Variants in GRM7 observed in about 807,000 individuals in gnomAD.
The protein encoded by GRM7 is metabotropic glutamate receptor 7.
GRM7 carries 35 observed loss-of-function variants against 84.5 expected under a neutral mutation model. The ratio of observed to expected loss-of-function variants is 0.41; its 90% CI spans 0.32 to 0.55. The LOEUF (loss-of-function observed/expected upper bound fraction) is 0.55, where lower values mean the gene tolerates loss of function less well. Ranked by LOEUF, GRM7 falls within the 20% of genes least tolerant of loss-of-function variation. GRM7 has a pLI of 0.19. For synonymous variants in GRM7, 487 were observed against 455.1 expected, an observed-to-expected ratio of 1.07 and a Z score of -0.89; for missense variants, 1,003 against 1,194.6, an observed-to-expected ratio of 0.84 and a Z score of 2.36.
In GRM7 at chr3:7,572,875, TATATAA is replaced by T. The variant is rs1305357648; in HGVS notation, c.1516-5543_1516-5538del. Among the ~76,000 whole-genome samples, 24 of 66,440 alleles carry T rather than the reference TATATAA, an allele frequency of 3.6e-4. 1 individual carries two copies. The highest frequency in any genetic ancestry group is 7.0e-4 in the African/African-American group (12 of 17,140). The allele number at this position is 66,440 out of a possible 152,430, so 43.6% of individuals were successfully genotyped here. On this transcript the variant is annotated intron_variant, in intron 7 of 9. Transcript: ENST00000357716. The stretch of plus-strand genomic sequence containing the variant: ...ATATATATATATATATATATATATA[TATATAA>T]ATAATCTTTCTACCTATAATAATTC...
At chr3:7,269,454 C>A (rs925875734) in intron 2 of GRM7, among the ~76,000 whole-genome samples, 4 of 144,810 alleles carry the variant, frequency 2.8e-5, no homozygotes, top group Non-Finnish European at 4.6e-5. Context: ...ACCCCCCCCC[C>A]AGAGAGCATG....
chr3:7,364,042 G>T (rs1441568670), intron 4 of GRM7, among the ~76,000 whole-genome samples: 1 of 151,932 alleles, frequency 6.6e-6, no homozygotes, highest in Non-Finnish European at 1.5e-5. Context: ...TGTAAACTGT[G>T]CCACTTCTTT....
intron 3 of GRM7, among the ~76,000 whole-genome samples, chr3:7,299,896 G>A (rs1407025856): frequency 6.6e-6 from 1 of 151,970 alleles, no homozygotes; most frequent in Non-Finnish European, 1.5e-5. Flanking sequence ...AAATCTGTGT[G>A]TATAAATATA....
At chr3:7,240,277 A>G (rs1466451329) in intron 2 of GRM7, among the ~76,000 whole-genome samples, 1 of 151,734 alleles carries the variant, frequency 6.6e-6, no homozygotes, top group African/African-American at 2.4e-5. Flanking sequence ...ATATAAAATT[A>G]AGTACAGGGC....
At chr3:7,055,200 T>C (rs1314077890) in intron 1 of GRM7, among the ~76,000 whole-genome samples, 2 of 151,302 alleles carry the variant, frequency 1.3e-5, no homozygotes, top group Non-Finnish European at 2.9e-5. Flanking sequence ...TCCTTCATTT[T>C]CTTCTTCTTC....
intron 7 of GRM7, among the ~76,000 whole-genome samples, chr3:7,504,790 C>G (rs1699990614): frequency 2.0e-5 from 3 of 152,288 alleles, no homozygotes; most frequent in African/African-American, 7.2e-5. Flanking sequence ...CTTTGGAATA[C>G]ACATTTTAGC....
At chr3:7,457,460 T>C (rs958306939) in intron 6 of GRM7, among the ~76,000 whole-genome samples, 2 of 152,188 alleles carry the variant, frequency 1.3e-5, no homozygotes, top group African/African-American at 2.4e-5. Context: ...AGTAATTTGG[T>C]GTCTTGATTG....
intron 2 of GRM7, among the ~76,000 whole-genome samples, chr3:7,202,404 T>C (rs1435082393): frequency 3.3e-5 from 5 of 152,038 alleles, no homozygotes; most frequent in African/African-American, 1.2e-4. Context: ...AATCTCGGCT[T>C]ACTGCAACCT....
intron 2 of GRM7, among the ~76,000 whole-genome samples, chr3:7,178,265 T>C (rs1695219856): frequency 6.6e-6 from 1 of 152,228 alleles, no homozygotes; most frequent in Non-Finnish European, 1.5e-5. Flanking sequence ...ACATATGAGA[T>C]AAAAATTGAC....
chr3:7,020,189 C>G (rs1268899251), intron 1 of GRM7, among the ~76,000 whole-genome samples: 3 of 152,136 alleles, frequency 2.0e-5, no homozygotes, highest in Non-Finnish European at 4.4e-5. Flanking sequence ...CTCCCAATAC[C>G]CTATAGGATA....
chr3:7,216,262 G>T (rs201327346), intron 2 of GRM7, among the ~76,000 whole-genome samples: 1 of 152,144 alleles, frequency 6.6e-6, no homozygotes, highest in South Asian at 2.1e-4. Context: ...TAAATGTCTC[G>T]TGTCTTTGCT....
At chr3:7,133,361 C>T (rs915005369) in intron 1 of GRM7, among the ~76,000 whole-genome samples, 7 of 152,352 alleles carry the variant, frequency 4.6e-5, no homozygotes, top group Non-Finnish European at 5.9e-5. Flanking sequence ...CCCAATACCA[C>T]GCACACATGA....
chr3:6,894,438 A>G (rs1490978130), intron 1 of GRM7, among the ~76,000 whole-genome samples: 1 of 152,160 alleles, frequency 6.6e-6, no homozygotes, highest in Non-Finnish European at 1.5e-5. Context: ...ATTGTGGCAG[A>G]AAAGGGATTT....
intron 1 of GRM7, among the ~76,000 whole-genome samples, chr3:6,891,329 G>A (rs1436802893): frequency 2.0e-5 from 3 of 152,092 alleles, no homozygotes; most frequent in Non-Finnish European, 2.9e-5. Flanking sequence ...TCCTGGCCTC[G>A]ATGGTCTTTA....
At chr3:7,388,410 G>C (rs1021781912) in intron 4 of GRM7, among the ~76,000 whole-genome samples, 6 of 152,012 alleles carry the variant, frequency 3.9e-5, no homozygotes, top group African/African-American at 1.4e-4. Context: ...TTAACTTTTT[G>C]TTGTTTTCTT....
chr3:7,498,416 G>T (rs1471477801), intron 7 of GRM7, among the ~76,000 whole-genome samples: 30 of 152,192 alleles, frequency 2.0e-4, no homozygotes, highest in Non-Finnish European at 1.5e-5. Flanking sequence ...AAGTAGACTG[G>T]ACCCTCATTC....
At chr3:7,446,048 A>G (rs1389551840) in intron 5 of GRM7, among the ~76,000 whole-genome samples, 2 of 152,214 alleles carry the variant, frequency 1.3e-5, no homozygotes, top group Non-Finnish European at 2.9e-5. Flanking sequence ...TGAAGCATTT[A>G]TCACTTACAA....
chr3:7,336,265 G>A (rs1701417179), intron 4 of GRM7, among the ~76,000 whole-genome samples: 1 of 151,854 alleles, frequency 6.6e-6, no homozygotes, highest in South Asian at 2.1e-4. Context: ...ACTTGATATA[G>A]CACATAAACA....
At chr3:7,407,262 G>T (rs550204300) in intron 4 of GRM7, among the ~76,000 whole-genome samples, 1 of 152,252 alleles carries the variant, frequency 6.6e-6, no homozygotes, top group South Asian at 2.1e-4. Flanking sequence ...GCAGCCTGTG[G>T]CCTCCAGGTA....
Sources: gnomAD v4.1 joint callset for allele counts (sites outside exome capture counted in the v4.1 genomes callset) on GRCh38, gnomAD v4.1.1 for gene constraint, MANE v1.5 for transcripts, NCBI Gene and HGNC (gene_info 2026-07-23, HGNC 2026-07-21) for gene names.